The following LRRC7 variants were observed in gnomAD, a reference collection of about 807,000 sequenced individuals.
LRRC7 encodes leucine-rich repeat-containing protein 7.
A neutral mutation model predicts 175.7 loss-of-function variants in LRRC7; 23 were observed. The observed-to-expected ratio is 0.13, with a 90% confidence interval of 0.09 to 0.19. LRRC7 has a LOEUF of 0.19. LRRC7 is among the 10% of genes least tolerant of loss of function. LRRC7 has a pLI of 1.00. For missense variants in LRRC7, 1,354 were observed against 1,904.7 expected, an observed-to-expected ratio of 0.71 and a Z score of 5.38; for synonymous variants, 685 against 680.9, an observed-to-expected ratio of 1.01 and a Z score of -0.09.
chr1:69,675,549 G>A (rs1453940366), intron 1 of LRRC7, among the ~76,000 whole-genome samples: 1 of 152,106 alleles, frequency 6.6e-6, no homozygotes, highest in African/African-American at 2.4e-5. Context: ...TGCATGTGCA[G>A]GTTCTGTTTG....
chr1:69,863,451 T>C (rs1333253026), intron 7 of LRRC7, among the ~76,000 whole-genome samples: 1 of 152,252 alleles, frequency 6.6e-6, no homozygotes, highest in East Asian at 1.9e-4. Context: ...CCTAGTATTC[T>C]GCCCAGTGCA....
chr1:69,954,393 A>G (rs1406937704), intron 8 of LRRC7, among the ~76,000 whole-genome samples: 1 of 152,060 alleles, frequency 6.6e-6, no homozygotes, highest in African/African-American at 2.4e-5. Flanking sequence ...TCAATTTAAT[A>G]AAAGCAAAAA....
intron 2 of LRRC7, among the ~76,000 whole-genome samples, chr1:69,709,484 C>G (rs1664470788): frequency 6.6e-6 from 1 of 152,134 alleles, no homozygotes; most frequent in Non-Finnish European, 1.5e-5. Context: ...GTGAACACAG[C>G]TTTGTTTTTG....
Position 70,144,147 on chromosome 1 carries a change from A to G in LRRC7, c.*22260A>G, listed in dbSNP as rs1667206810. ...TTCTCCAGTTTTATTTTATGTACTG[A>G]CACTAATTGGTAAAGGTGTACAATG... On this transcript the variant is annotated 3_prime_UTR_variant, in exon 27 of 27. Coordinates refer to ENST00000651989, the MANE Select transcript of LRRC7 (RefSeq NM_001370785.2). 1 of 152,192 alleles carries G rather than the reference A, an allele frequency of 6.6e-6. No homozygotes were observed. The highest frequency in any genetic ancestry group is 6.5e-5 in the Admixed American group (1 of 15,278). The allele number at this position is 152,192 out of a possible 1,614,324, so 9.4% of individuals were successfully genotyped here. A position where few individuals can be genotyped will look rare whatever the true frequency, so the allele number is the denominator to read the frequency against.
At chr1:69,943,262 T>C (rs549297244) in intron 8 of LRRC7, among the ~76,000 whole-genome samples, 2 of 152,142 alleles carry the variant, frequency 1.3e-5, no homozygotes, top group Non-Finnish European at 2.9e-5. Context: ...TGGAATAGTA[T>C]TCAGCAACGA....
intron 24 of LRRC7, among the ~76,000 whole-genome samples, chr1:70,081,138 G>A (rs1663181123): frequency 6.6e-6 from 1 of 152,172 alleles, no homozygotes; most frequent in Admixed American, 6.6e-5. Context: ...AACTCCCCAA[G>A]GTGATTCTAT....
At chr1:70,060,877 G>GT (rs1251564031) in intron 23 of LRRC7, among the ~76,000 whole-genome samples, 2 of 152,164 alleles carry the variant, frequency 1.3e-5, no homozygotes, top group African/African-American at 2.4e-5. Context: ...AAGTAGAATT[G>GT]TTTTTTGCCT....
Position 69,568,667 on chromosome 1 carries a change from G to C in LRRC7, c.2+26G>C, listed in dbSNP as rs759354261. On this transcript the variant is annotated intron_variant, in intron 1 of 26. Transcript: ENST00000651989. ...GTGAGTAAGGCACGCTCGCTCCGTG[G>C]CGGAGGGTGCTGCGGGGGCCCGGCC... 45 of 1,317,668 alleles carry C rather than the reference G, an allele frequency of 3.4e-5. No individual in the cohort carries two copies. The Admixed American group carries it at 9.7e-4, about 28-fold the overall frequency. 81.6% of individuals were successfully genotyped at this position (1,317,668 alleles called of 1,614,324 possible).
intron 2 of LRRC7, among the ~76,000 whole-genome samples, chr1:69,717,857 A>G (rs200611896): frequency 1.0e-4 from 10 of 100,242 alleles, no homozygotes; most frequent in East Asian, 4.0e-4. Context: ...AAGAAAGGAA[A>G]GAAAGAAAGA....
intron 7 of LRRC7, among the ~76,000 whole-genome samples, chr1:69,846,166 T>G (rs549267817): frequency 1.9e-4 from 29 of 152,276 alleles, no homozygotes; most frequent in African/African-American, 6.7e-4. Flanking sequence ...TATAACAAAG[T>G]GATTATTAGA....
At chr1:69,785,968 G>A (rs983209343) in intron 3 of LRRC7, among the ~76,000 whole-genome samples, 1 of 151,978 alleles carries the variant, frequency 6.6e-6, no homozygotes, top group Non-Finnish European at 1.5e-5. Context: ...AACATATTAA[G>A]TGCATTTATT....
chr1:69,914,139 C>T (rs1207838799), intron 7 of LRRC7, among the ~76,000 whole-genome samples: 5 of 152,040 alleles, frequency 3.3e-5, no homozygotes, highest in African/African-American at 1.2e-4. Flanking sequence ...AAAGAGTGAG[C>T]ACATTTGAAA....
intron 2 of LRRC7, among the ~76,000 whole-genome samples, chr1:69,732,317 C>T (rs768890708): frequency 6.6e-6 from 1 of 151,312 alleles, no homozygotes; most frequent in South Asian, 2.1e-4. Context: ...TAGATTTACA[C>T]AATCTAATGA....
chr1:69,822,503 C>T (rs1679415987), intron 4 of LRRC7, among the ~76,000 whole-genome samples: 1 of 152,184 alleles, frequency 6.6e-6, no homozygotes, highest in East Asian at 1.9e-4. Context: ...ACATTGGTTG[C>T]TGACAGTCCG....
intron 1 of LRRC7, among the ~76,000 whole-genome samples, chr1:69,675,700 A>T (rs1240302274): frequency 6.6e-6 from 1 of 152,156 alleles, no homozygotes; most frequent in Non-Finnish European, 1.5e-5. Flanking sequence ...CAAGAGTCAG[A>T]AACTAGAAAA....
intron 5 of LRRC7, among the ~76,000 whole-genome samples, chr1:69,833,517 C>CACAT (rs532834182): frequency 6.6e-6 from 1 of 151,906 alleles, no homozygotes; most frequent in Admixed American, 6.6e-5. Flanking sequence ...TACGTACACA[C>CACAT]ACATACATAC....
chr1:69,678,433 T>C lies in LRRC7; in HGVS notation c.55T>C (p.Cys19Arg), dbSNP rs755539069. 3 of 1,605,702 alleles carry C rather than the reference T, an allele frequency of 1.9e-6. No homozygotes were observed. Among genetic ancestry groups the C allele is most frequent in the Admixed American group, 1.7e-5 (1 of 59,186 alleles). ...RNPPQYQRSP[C>R]KEVRAALRKR... ...TCCCCCGCAATACCAGAGAAGTCCT[T>C]GTAAAGAGGTTCGTGCAGCACTTCG... Residue 19 changes from cysteine (C) to arginine (R), a missense_variant, in exon 2 of 27, where the codon TGT (cysteine) becomes CGT (arginine). Cys to Arg is a radical substitution (Grantham distance 180). Transcript: ENST00000651989.
At chr1:70,081,460 G>A (rs1218636738) in intron 24 of LRRC7, among the ~76,000 whole-genome samples, 1 of 152,216 alleles carries the variant, frequency 6.6e-6, no homozygotes, top group East Asian at 1.9e-4. Context: ...AATTGATAAT[G>A]TTGTGATATA....
At chr1:69,651,888 A>C (rs1226815624) in intron 1 of LRRC7, among the ~76,000 whole-genome samples, 1 of 152,108 alleles carries the variant, frequency 6.6e-6, no homozygotes, top group African/African-American at 2.4e-5. Context: ...CAGAGTTTGC[A>C]TTCCTGGAGG....
Sources: gnomAD v4.1 joint callset for allele counts (sites outside exome capture counted in the v4.1 genomes callset) on GRCh38, gnomAD v4.1.1 for gene constraint, MANE v1.5 for transcripts, NCBI Gene and HGNC (gene_info 2026-07-23, HGNC 2026-07-21) for gene names.